Variants in CEP164 observed in about 807,000 individuals in gnomAD.
The protein encoded by CEP164 is centrosomal protein 164.
A neutral mutation model predicts 182.7 loss-of-function variants in CEP164; 162 were observed. The ratio of observed to expected loss-of-function variants is 0.89; its 90% CI spans 0.78 to 1.01. The LOEUF (loss-of-function observed/expected upper bound fraction) is 1.01, where lower values mean the gene tolerates loss of function less well. Ranked by LOEUF, CEP164 falls within the 50% of genes least tolerant of loss-of-function variation. The pLI is 0.00. For missense variants in CEP164, 1,735 were observed against 1,790.4 expected (o/e 0.97, Z 0.56); for synonymous variants, 661 against 690.0 (o/e 0.96, Z 0.66).
At chr11:117,355,113 G>A (rs1028361590) in intron 5 of CEP164, 1 of 1,289,654 alleles carries the variant, frequency 7.8e-7, no homozygotes, top group African/African-American at 1.5e-5. Context: ...CGTTTCATGG[G>A]TGCCCTTCCC....
rs2043475955 is a variant in CEP164 at position 117,382,700 on chromosome 11, GTC to G, written c.1578-92_1578-91del. The G allele has an allele frequency of 2.1e-6, 3 of 1,430,852 alleles. No individual in the cohort carries two copies. In the African/African-American group the frequency reaches 4.2e-5, roughly 20 times the overall value. 88.6% of individuals were successfully genotyped at this position (1,430,852 alleles called of 1,614,324 possible). A position where few individuals can be genotyped will look rare whatever the true frequency, so the allele number is the denominator to read the frequency against. On this transcript the variant is annotated intron_variant, in intron 13 of 32. Coordinates refer to ENST00000278935, the MANE Select transcript of CEP164 (RefSeq NM_014956.5). Reference sequence around the variant, plus strand: ...GGGAAATTGTTGGGCTGTCTCTCTTGTCTCTGTCATAGCTCTTTGACCCCAAA... The same window carrying G: ...GGGAAATTGTTGGGCTGTCTCTCTTGTCTGTCATAGCTCTTTGACCCCAAA...
chr11:117,394,238 C>T lies in CEP164; in HGVS notation c.2617-112C>T, dbSNP rs1056017188. On this transcript the variant is annotated intron_variant, in intron 20 of 32. Coordinates refer to ENST00000278935, the MANE Select transcript of CEP164 (RefSeq NM_014956.5). This position sits in a 1 kb window ranked among gnomAD's most constrained non-coding sequence, Gnocchi z 4.0. ...TCTCCAAGAGCTGGCTTTAGGGAGC[C>T]GATGGTGTCCCTGATCTTACTGATG... The T allele has an allele frequency of 1.3e-5, 18 of 1,397,676 alleles. No individual in the cohort carries two copies. The highest frequency in any genetic ancestry group is 1.2e-4 in the East Asian group (5 of 40,090). 86.6% of individuals were successfully genotyped at this position (1,397,676 alleles called of 1,614,324 possible).
chr11:117,372,141 T>C, intron 9 of CEP164, among the ~76,000 whole-genome samples: 1 of 135,378 alleles, frequency 7.4e-6, no homozygotes, highest in African/African-American at 2.8e-5. Context: ...AGAGTCTCAC[T>C]CCTTCACCCC....
At chr11:117,387,782 TAA>T (rs985215815) in intron 15 of CEP164, among the ~76,000 whole-genome samples, 2 of 152,228 alleles carry the variant, frequency 1.3e-5, no homozygotes, top group Non-Finnish European at 1.5e-5. Context: ...AACTAAAGGC[TAA>T]GTCTTGTCCT....
intron 5 of CEP164, chr11:117,356,697 C>T: frequency 8.5e-7 from 1 of 1,181,460 alleles, no homozygotes; most frequent in Non-Finnish European, 1.1e-6. Flanking sequence ...TTACCACAGC[C>T]ATCAGGCCTG....
intron 2 of CEP164, among the ~76,000 whole-genome samples, chr11:117,337,958 CT>C (rs2037468692): frequency 6.6e-6 from 1 of 152,162 alleles, no homozygotes; most frequent in Non-Finnish European, 1.5e-5. Flanking sequence ...TTTAGAATGC[CT>C]TTCTCCCCCA....
At chr11:117,330,120 C>T (rs994695203) in intron 1 of CEP164, among the ~76,000 whole-genome samples, 2 of 152,130 alleles carry the variant, frequency 1.3e-5, no homozygotes, top group African/African-American at 4.8e-5. Flanking sequence ...ACCTGCTTAT[C>T]CTTCAAGAAC....
intron 16 of CEP164, 34 bp from the exon 17 acceptor site, chr11:117,390,965 A>G (rs1157476554): frequency 1.2e-6 from 2 of 1,613,676 alleles, no homozygotes; most frequent in Non-Finnish European, 1.7e-6. Flanking sequence ...CCCAGGGTGC[A>G]CAGGCCCGTT....
At chr11:117,397,024 G>C in intron 26 of CEP164, 67 bp from the exon 27 acceptor site, 1 of 1,418,724 alleles carries the variant, frequency 7.0e-7, no homozygotes, top group Non-Finnish European at 9.6e-7. Context: ...GCTGGGGAAG[G>C]GGCTGTGTGA....
At chr11:117,401,315 C>A (rs2046109572) in intron 27 of CEP164, among the ~76,000 whole-genome samples, 1 of 152,180 alleles carries the variant, frequency 6.6e-6, no homozygotes, top group Non-Finnish European at 1.5e-5. Flanking sequence ...GTTGAACCAG[C>A]CTTGCATCCC....
chr11:117,373,051 T>C (rs1442576624), intron 9 of CEP164, among the ~76,000 whole-genome samples: 1 of 152,012 alleles, frequency 6.6e-6, no homozygotes, highest in African/African-American at 2.4e-5. Flanking sequence ...CTCCTCCAGG[T>C]AGATGATGAG....
chr11:117,334,764 G>A (rs1268866010), intron 1 of CEP164, among the ~76,000 whole-genome samples: 2 of 130,182 alleles, frequency 1.5e-5, no homozygotes, highest in African/African-American at 2.9e-5. Flanking sequence ...CAGCCTGGGT[G>A]ACAGACTGAG....
In CEP164 at chr11:117,381,721, A is replaced by G. The variant is rs117083334; in HGVS notation, c.1430A>G (p.His477Arg). 53,172 of 1,609,834 alleles carry G rather than the reference A, an allele frequency of 0.033. 1,055 individuals carry two copies. The highest frequency in any genetic ancestry group is 0.054 in the Middle Eastern group (316 of 5,872). Residue 477 changes from histidine to arginine, a missense_variant, in exon 13 of 33, where the codon CAC becomes CGC. Physicochemically the swap from His to Arg is conservative, Grantham distance 29. Transcript: ENST00000278935. ...ACCAGGTTATCTCCTCCACTTCCAC[A>G]CGAGGAGCGGGCCCAGAGTCCCCCT... ...LEERLSPPLP[H>R]EERAQSPPRS...
chr11:117,351,046 T>G (rs955289452), intron 4 of CEP164, among the ~76,000 whole-genome samples: 4 of 152,198 alleles, frequency 2.6e-5, no homozygotes, highest in South Asian at 4.1e-4. Flanking sequence ...TTGTTTGTTT[T>G]TTTGAGATGG....
intron 27 of CEP164, among the ~76,000 whole-genome samples, 156 bp downstream of exon 27, chr11:117,397,469 A>G (rs2045629720): frequency 6.6e-6 from 1 of 152,248 alleles, no homozygotes; most frequent in Non-Finnish European, 1.5e-5. Flanking sequence ...TTGGCAATGC[A>G]TAGTATGCAA....
chr11:117,387,699 C>T (rs1269799446), intron 15 of CEP164, among the ~76,000 whole-genome samples: 1 of 152,154 alleles, frequency 6.6e-6, no homozygotes, highest in Non-Finnish European at 1.5e-5. Flanking sequence ...TGTTAATGAG[C>T]CATCTGTCAC....
At chr11:117,397,424 A>T in intron 27 of CEP164, 111 bp downstream of exon 27, 1 of 1,001,934 alleles carries the variant, frequency 1.0e-6, no homozygotes, top group Non-Finnish European at 1.5e-6. Flanking sequence ...ACTCCATGAG[A>T]GTGGCCACCT....
At chr11:117,374,941 C>G (rs940568416) in intron 10 of CEP164, among the ~76,000 whole-genome samples, 3 of 152,302 alleles carry the variant, frequency 2.0e-5, no homozygotes, top group Middle Eastern at 3.4e-3. Flanking sequence ...ATCTTAGGCT[C>G]AGAGAGGGTG....
At chr11:117,380,078 C>T (rs1475539594) in intron 11 of CEP164, among the ~76,000 whole-genome samples, 2 of 151,886 alleles carry the variant, frequency 1.3e-5, no homozygotes, top group African/African-American at 4.8e-5. Context: ...AGGTGGTGCC[C>T]TTTTTGTCTC....
Sources: gnomAD v4.1 joint callset for allele counts (sites outside exome capture counted in the v4.1 genomes callset) on GRCh38, gnomAD v4.1.1 for gene constraint, Gnocchi (gnomAD v3.1) non-coding constraint, MANE v1.5 for transcripts, NCBI Gene and HGNC (gene_info 2026-07-23, HGNC 2026-07-21) for gene names.